RASAL2: variants seen among roughly 807,000 people sequenced by gnomAD.
RASAL2 encodes the protein RAS protein activator like 2, also known as ras GTPase-activating protein nGAP.
A neutral mutation model predicts 128.9 loss-of-function variants in RASAL2; 58 were observed. The observed-to-expected ratio is 0.45, with a 90% CI of 0.36 to 0.56. The LOEUF is 0.56. RASAL2 is among the 20% of genes least tolerant of loss of function. The pLI, the probability that RASAL2 is intolerant of heterozygous loss-of-function variation, is 0.00. For synonymous variants in RASAL2, 561 were observed against 580.8 expected, an observed-to-expected ratio of 0.97 and a Z score of 0.49; for missense variants, 1,360 against 1,601.6, an observed-to-expected ratio of 0.85 and a Z score of 2.57.
intron 14 of RASAL2, among the ~76,000 whole-genome samples, chr1:178,461,464 ACT>A (rs1163905339): frequency 2.0e-5 from 3 of 151,574 alleles, no homozygotes; most frequent in Non-Finnish European, 1.5e-5. Context: ...TTTTCAAGAA[ACT>A]CTCTTAATTT....
intron 1 of RASAL2, among the ~76,000 whole-genome samples, chr1:178,253,691 A>G (rs910424015): frequency 1.3e-5 from 2 of 152,132 alleles, no homozygotes; most frequent in African/African-American, 2.4e-5. Context: ...GGGGGTCACA[A>G]GGTGCTCATT....
chr1:178,467,489 C>A, intron 17 of RASAL2, 68 bp downstream of exon 17: 1 of 1,383,218 alleles, frequency 7.2e-7, no homozygotes, highest in Non-Finnish European at 1.0e-6. Flanking sequence ...ACTTCACACC[C>A]TTGCAAATGC....
In RASAL2 at chr1:178,457,950, C is replaced by T. The variant is rs1677895158; in HGVS notation, c.2658C>T (p.Ser886=). Reference sequence around the variant, plus strand: ...AGCTTTCCATAACCCAGGTGGCCAGCATCAAACAGCTGCGGGAAACCCAGA... The same window carrying T: ...AGCTTTCCATAACCCAGGTGGCCAGTATCAAACAGCTGCGGGAAACCCAGA... ...GSQLSITQVA[S]IKQLRETQST... is the part of the protein sequence containing the mutation. Residue 886 remains serine, a synonymous_variant, in exon 14 of 18, where the codon AGC becomes AGT. Transcript: ENST00000367649. 1 of 1,614,014 alleles carries T rather than the reference C, an allele frequency of 6.2e-7. No homozygotes were observed. Among genetic ancestry groups the T allele is most frequent in the South Asian group, 1.1e-5 (1 of 91,086 alleles).
chr1:178,278,140 A>G (rs1032741954), intron 1 of RASAL2, among the ~76,000 whole-genome samples: 1 of 152,212 alleles, frequency 6.6e-6, no homozygotes, highest in Non-Finnish European at 1.5e-5. Context: ...CTTTTATACG[A>G]AACTGATGAG....
intron 3 of RASAL2, among the ~76,000 whole-genome samples, chr1:178,380,017 A>G (rs1260632651): frequency 6.6e-6 from 1 of 152,074 alleles, no homozygotes; most frequent in Non-Finnish European, 1.5e-5. Context: ...AGTAGCTGGG[A>G]CGACAGGTGC....
At chr1:178,162,504 TTA>T (rs200785209) in intron 1 of RASAL2, among the ~76,000 whole-genome samples, 10,927 of 128,784 alleles carry the variant, frequency 0.085, 527 homozygotes, top group Middle Eastern at 0.13. Flanking sequence ...ATATTTTATA[TTA>T]TATATATTTT....
chr1:178,463,143 A>C (rs1031266223), intron 14 of RASAL2, among the ~76,000 whole-genome samples: 1 of 152,130 alleles, frequency 6.6e-6, no homozygotes, highest in East Asian at 1.9e-4. Context: ...GATAGGGGAG[A>C]AAATGCCCTT....
intron 2 of RASAL2, among the ~76,000 whole-genome samples, chr1:178,285,678 A>G (rs962532601): frequency 1.3e-5 from 2 of 152,238 alleles, no homozygotes; most frequent in Non-Finnish European, 2.9e-5. Context: ...ATTAGTATAG[A>G]ACATTTCTAA....
chr1:178,357,489 A>G (rs545418181), intron 3 of RASAL2, among the ~76,000 whole-genome samples: 71 of 152,146 alleles, frequency 4.7e-4, no homozygotes, highest in African/African-American at 1.6e-3. Context: ...ATGATTATAG[A>G]TTTTAATGTT....
chr1:178,108,228 A>G (rs1163546138), intron 1 of RASAL2, among the ~76,000 whole-genome samples: 33 of 152,080 alleles, frequency 2.2e-4, no homozygotes, highest in Admixed American at 2.1e-3. Flanking sequence ...TTTATTGCTT[A>G]TTGGCCATTT....
Position 178,240,092 on chromosome 1 carries a change from C to T in RASAL2, c.203-43472C>T, listed in dbSNP as rs111286367. Among the ~76,000 whole-genome samples, 621 of 151,838 alleles carry T rather than the reference C, an allele frequency of 4.1e-3. 3 individuals are homozygous for T. The highest frequency in any genetic ancestry group is 0.014 in the African/African-American group (565 of 41,480). ...TAAACTTTTGTAATTACTTTTTGCC[C>T]TGTGATGTAACATTAGGGCATTGCT... On this transcript the variant is annotated intron_variant, in intron 1 of 17. Transcript: ENST00000367649.
chr1:178,157,211 GC>G (rs1198301244), intron 1 of RASAL2, among the ~76,000 whole-genome samples: 1 of 152,078 alleles, frequency 6.6e-6, no homozygotes, highest in Non-Finnish European at 1.5e-5. Context: ...TGGCACTTCT[GC>G]CCTAGACCAC....
chr1:178,101,013 C>G (rs965803259), intron 1 of RASAL2, among the ~76,000 whole-genome samples: 1 of 152,148 alleles, frequency 6.6e-6, no homozygotes, highest in Non-Finnish European at 1.5e-5. Context: ...TGTAAAAACA[C>G]CTTTCTTCCC....
In RASAL2 at chr1:178,094,542, C is replaced by G; in HGVS notation, c.50C>G (p.Pro17Arg). 1 of 1,585,922 alleles carries G rather than the reference C, an allele frequency of 6.3e-7. No individual in the cohort carries two copies. The highest frequency in any genetic ancestry group is 8.6e-7 in the Non-Finnish European group (1 of 1,166,564). ...SGGAAEALSW[P>R]EMFPALESDS... The stretch of plus-strand genomic sequence containing the variant: ...GGAGCCGCGGAGGCGCTGTCCTGGC[C>G]GGAGATGTTCCCGGCGCTGGAGTCC... The change falls in exon 1 of 18, where the codon CCG (proline) becomes CGG (arginine). Residue 17 changes from proline to arginine, a missense_variant. Pro to Arg is a moderately radical substitution (Grantham distance 103). Transcript: ENST00000367649.
intron 1 of RASAL2, among the ~76,000 whole-genome samples, chr1:178,226,003 C>T (rs1364584729): frequency 6.6e-6 from 1 of 152,132 alleles, no homozygotes; most frequent in African/African-American, 2.4e-5. Context: ...GCCCCGAAAT[C>T]TTGATACAGT....
chr1:178,469,813 T>C (rs1648097139), intron 17 of RASAL2, among the ~76,000 whole-genome samples: 1 of 152,192 alleles, frequency 6.6e-6, no homozygotes, highest in Non-Finnish European at 1.5e-5. Flanking sequence ...TGGTTAAATA[T>C]AATAAATTAC....
intron 4 of RASAL2, among the ~76,000 whole-genome samples, chr1:178,406,282 A>G (rs908241334): frequency 6.6e-6 from 1 of 152,238 alleles, no homozygotes; most frequent in African/African-American, 2.4e-5. Context: ...TGTACATGCA[A>G]CAGCATGCAT....
At position 178,253,474 on chromosome 1, in the gene RASAL2, G is replaced by T. The variant is rs1000446775; in HGVS notation, c.203-30090G>T. 1.1e-4 allele frequency among the ~76,000 whole-genome samples: 16 copies of T among 152,234 alleles called. No individual in the cohort carries two copies. The East Asian group carries it at 1.9e-3, about 18-fold the overall frequency. On this transcript the variant is annotated intron_variant, in intron 1 of 17. Transcript: ENST00000367649. ...TATTTGAGATTTTTTTGAGTCAATT[G>T]TCTGTATGTAGTTTCACTCGTGTCA...
At chr1:178,408,902 A>G (rs1674172599) in intron 4 of RASAL2, among the ~76,000 whole-genome samples, 1 of 152,156 alleles carries the variant, frequency 6.6e-6, no homozygotes, top group Non-Finnish European at 1.5e-5. Flanking sequence ...TGGGAAAGTC[A>G]TATATCTTCT....
Sources: allele counts gnomAD v4.1 joint callset (sites outside exome capture counted in the v4.1 genomes callset), GRCh38; gene constraint gnomAD v4.1.1; transcripts MANE v1.5; gene names NCBI Gene and HGNC (gene_info 2026-07-23, HGNC 2026-07-21).